Variants in SYN3 observed in about 807,000 individuals in gnomAD.
SYN3 encodes synapsin III.
SYN3 carries 35 observed loss-of-function variants against 65.8 expected under a neutral mutation model. The ratio of observed to expected loss-of-function variants is 0.53; its 90% CI spans 0.41 to 0.70. The LOEUF (loss-of-function observed/expected upper bound fraction) is 0.70. Among genes scored for constraint, SYN3 ranks in the 30% least tolerant of loss-of-function variants. The pLI is 0.00. For synonymous variants in SYN3, 270 were observed against 292.9 expected (o/e 0.92, Z 0.80); for missense variants, 680 against 749.0 (o/e 0.91, Z 1.08).
intron 3 of SYN3, among the ~76,000 whole-genome samples, chr22:32,935,896 T>A (rs2050762856): frequency 6.6e-6 from 1 of 152,254 alleles, no homozygotes; most frequent in African/African-American, 2.4e-5. Flanking sequence ...AATTTTGATA[T>A]CTTTAAAACA....
At chr22:32,715,451 G>A (rs758219357) in intron 6 of SYN3, among the ~76,000 whole-genome samples, 3 of 152,124 alleles carry the variant, frequency 2.0e-5, no homozygotes, top group South Asian at 2.1e-4. Context: ...ATATTTGTTC[G>A]TTTCTAAAAA....
At chr22:32,573,771 T>C (rs568098652) in intron 7 of SYN3, among the ~76,000 whole-genome samples, 1 of 146,504 alleles carries the variant, frequency 6.8e-6, no homozygotes, top group African/African-American at 2.5e-5. Context: ...GGGGTTTTTT[T>C]TTTTTTTTTT....
chr22:32,969,464 A>T (rs945437137), intron 3 of SYN3, among the ~76,000 whole-genome samples: 4 of 152,216 alleles, frequency 2.6e-5, no homozygotes, highest in Non-Finnish European at 5.9e-5. Context: ...GGTAAACGTG[A>T]AAAACATAAA....
intron 6 of SYN3, among the ~76,000 whole-genome samples, chr22:32,651,763 C>T (rs2060074817): frequency 6.6e-6 from 1 of 152,128 alleles, no homozygotes; most frequent in Admixed American, 6.5e-5. Context: ...TGGGTTGATC[C>T]CTCAGATTTA....
intron 6 of SYN3, among the ~76,000 whole-genome samples, chr22:32,825,657 CAAAAAAAAAAAAAAAAAAAAAAAAA>C (rs130292): frequency 4.6e-3 from 132 of 28,600 alleles, no homozygotes; most frequent in South Asian, 0.011. Flanking sequence ...GTTTCCATCT[CAAAAAAAAAAAAAAAAAAAAAAAAA>C]AAAAAAAAAA....
intron 6 of SYN3, among the ~76,000 whole-genome samples, chr22:32,776,811 C>A (rs1200224262): frequency 6.6e-6 from 1 of 152,186 alleles, no homozygotes; most frequent in African/African-American, 2.4e-5. Flanking sequence ...AAAGTGGAAG[C>A]AAACCTGCTT....
chr22:32,618,465 G>A (rs959571199), intron 6 of SYN3, among the ~76,000 whole-genome samples: 3 of 152,118 alleles, frequency 2.0e-5, no homozygotes, highest in Non-Finnish European at 4.4e-5. Context: ...CCTTGATGAG[G>A]TGCTTCCTCC....
rs758517771 is a variant in SYN3, at chr22:32,528,885, G to C, written c.1219C>G (p.Leu407Val). The C allele has an allele frequency of 3.7e-6, 6 of 1,614,080 alleles. No homozygotes were observed. Among genetic ancestry groups the C allele is most frequent in the Middle Eastern group, 1.6e-4 (1 of 6,062 alleles). ...CGTGAGGGTCTTACCCAAGGTCTGA[G>C]GGGGGAGGGCGCTGTGCCTCCTGGC... ...PMPGGTAPSPLRPWAPQIKSA... is the reference protein window; with the variant it reads ...PMPGGTAPSPVRPWAPQIKSA... The change falls in exon 11 of 14, where the codon CTC becomes GTC. Residue 407 changes from leucine to valine, a missense_variant. By Grantham distance (32) the Leu-to-Val change is conservative (BLOSUM62 1). Transcript: ENST00000358763.
chr22:32,782,617 A>C (rs934516955), intron 6 of SYN3, among the ~76,000 whole-genome samples: 1 of 150,484 alleles, frequency 6.6e-6, no homozygotes, highest in African/African-American at 2.5e-5. Context: ...TCCTAGGTTC[A>C]AGTGATTCTT....
At chr22:32,756,181 G>A (rs1209843762) in intron 6 of SYN3, among the ~76,000 whole-genome samples, 2 of 151,592 alleles carry the variant, frequency 1.3e-5, no homozygotes, top group South Asian at 2.1e-4. Context: ...TAACAAACCT[G>A]CACATTCTGC....
At chr22:32,595,436 T>C (rs181837525) in intron 7 of SYN3, among the ~76,000 whole-genome samples, 30 of 152,336 alleles carry the variant, frequency 2.0e-4, no homozygotes, top group Admixed American at 1.6e-3. Flanking sequence ...CATCCTAATA[T>C]CTTGAACATT....
chr22:32,787,940 TAAAGGAGGAAAAGGAGG>T (rs1193546531), intron 6 of SYN3, among the ~76,000 whole-genome samples: 3 of 151,878 alleles, frequency 2.0e-5, no homozygotes, highest in Non-Finnish European at 4.4e-5. Flanking sequence ...TTGGCTTGGT[TAAAGGAGGAAAAGGAGG>T]TCAGTGTAGT....
At chr22:32,737,587 T>C (rs914163033) in intron 6 of SYN3, among the ~76,000 whole-genome samples, 1 of 152,172 alleles carries the variant, frequency 6.6e-6, no homozygotes, top group Non-Finnish European at 1.5e-5. Context: ...GTCCTTGCGA[T>C]AGTTTGCTGA....
At position 32,911,628 on chromosome 22, in the gene SYN3, T is replaced by A. The variant is rs376225158; in HGVS notation, c.461+19762A>T. On this transcript the variant is annotated intron_variant, in intron 4 of 13. Transcript: ENST00000358763. Reference sequence around the variant, plus strand: ...GTCACTTTATCTCTTTATGTTTCTTTCTCTCAGCTCCGAGGGTGGTAATAA... The same window carrying A: ...GTCACTTTATCTCTTTATGTTTCTTACTCTCAGCTCCGAGGGTGGTAATAA... Among the ~76,000 whole-genome samples the A allele has an allele frequency of 1.6e-4, 24 of 152,186 alleles. No homozygotes were observed. The East Asian group carries it at 3.7e-3, about 23-fold the overall frequency.
At chr22:32,845,495 T>C (rs2048034985) in intron 6 of SYN3, among the ~76,000 whole-genome samples, 1 of 152,100 alleles carries the variant, frequency 6.6e-6, no homozygotes, top group Admixed American at 6.5e-5. Context: ...CGGCCAGCCA[T>C]AAACTTTTAA....
chr22:32,670,615 G>T (rs1030810325), intron 6 of SYN3, among the ~76,000 whole-genome samples: 1 of 152,166 alleles, frequency 6.6e-6, no homozygotes, highest in African/African-American at 2.4e-5. Context: ...TACAGCATTA[G>T]GCATTGAAGA....
intron 1 of SYN3, among the ~76,000 whole-genome samples, chr22:33,007,522 T>C (rs529429072): frequency 1.3e-5 from 2 of 152,262 alleles, no homozygotes; most frequent in East Asian, 1.9e-4. Context: ...TGGGAGGTAA[T>C]TATGGTTAGT....
chr22:32,830,154 C>A (rs192669322), intron 6 of SYN3, among the ~76,000 whole-genome samples: 12 of 152,294 alleles, frequency 7.9e-5, no homozygotes, highest in Admixed American at 7.8e-4. Flanking sequence ...TTTGCATTTT[C>A]TTTTCTCTCT....
intron 6 of SYN3, among the ~76,000 whole-genome samples, chr22:32,761,212 A>G (rs1193794280): frequency 6.6e-6 from 1 of 152,198 alleles, no homozygotes; most frequent in Admixed American, 6.5e-5. Flanking sequence ...AGTGCCGGTT[A>G]CTGTTGCTTT....
Sources: gnomAD v4.1 joint callset for allele counts (sites outside exome capture counted in the v4.1 genomes callset) on GRCh38, gnomAD v4.1.1 for gene constraint, MANE v1.5 for transcripts, NCBI Gene and HGNC (gene_info 2026-07-23, HGNC 2026-07-21) for gene names.